The following COL22A1 variants were observed in gnomAD, a reference collection of about 807,000 sequenced individuals.
COL22A1 encodes the protein collagen type XXII alpha 1 chain, also known as collagen alpha-1(XXII) chain.
A neutral mutation model predicts 248.9 loss-of-function variants in COL22A1; 221 were observed. The observed-to-expected ratio is 0.89, with a 90% CI of 0.80 to 0.99. COL22A1 has a LOEUF of 0.99. COL22A1 is among the 50% of genes least tolerant of loss of function. The probability of loss-of-function intolerance (pLI) is 0.00; values close to 1 mark genes in which losing one functional copy is unlikely to be tolerated. For missense variants in COL22A1, 2,240 were observed against 2,179.0 expected (o/e 1.03, Z -0.56); for synonymous variants, 891 against 793.4 (o/e 1.12, Z -2.07).
intron 10 of COL22A1, among the ~76,000 whole-genome samples, chr8:138,803,870 T>A (rs144034590): frequency 4.1e-4 from 63 of 152,342 alleles, no homozygotes; most frequent in African/African-American, 1.4e-3. Flanking sequence ...TAAGAACACA[T>A]GGCTACTTTG....
intron 1 of COL22A1, among the ~76,000 whole-genome samples, chr8:138,907,931 C>A (rs4736055): frequency 0.84 from 127,423 of 152,088 alleles, 53,593 homozygotes; most frequent in East Asian, 0.97. Flanking sequence ...CCACATCTCC[C>A]AACACTGCTG....
intron 60 of COL22A1, among the ~76,000 whole-genome samples, chr8:138,601,564 G>A (rs1380856077): frequency 6.6e-6 from 1 of 152,134 alleles, no homozygotes; most frequent in African/African-American, 2.4e-5. Flanking sequence ...TCGTGAGTGT[G>A]AGAACGCGTC....
intron 45 of COL22A1, among the ~76,000 whole-genome samples, chr8:138,655,466 C>T (rs1191309228): frequency 1.3e-5 from 2 of 152,190 alleles, no homozygotes; most frequent in Admixed American, 1.3e-4. Context: ...TCAAGTGATC[C>T]TCCTACCTCA....
chr8:138,598,774 T>G lies in COL22A1; in HGVS notation c.4310A>C (p.Asn1437Thr). Residue 1437 changes from asparagine to threonine, a missense_variant, in exon 61 of 65, where the codon AAT (asparagine) becomes ACT (threonine). By Grantham distance (65) the Asn-to-Thr change is moderately conservative. Transcript: ENST00000303045. ...LMGPQGLPGENGPVGPPGPPG... is the reference protein window; with the variant it reads ...LMGPQGLPGETGPVGPPGPPG... ...AGGCCCTGGGGGTCCAACTGGTCCA[T>G]TCTCCCCAGGTAGTCCTTGGGGACC... is the stretch of plus-strand genomic sequence containing the variant. The G allele has an allele frequency of 6.2e-7, 1 of 1,614,082 alleles. No individual in the cohort carries two copies. The highest frequency in any genetic ancestry group is 8.5e-7 in the Non-Finnish European group (1 of 1,179,988).
intron 50 of COL22A1, among the ~76,000 whole-genome samples, chr8:138,628,017 A>T (rs1820395245): frequency 6.6e-6 from 1 of 152,198 alleles, no homozygotes; most frequent in African/African-American, 2.4e-5. Context: ...TAGGAAAAAA[A>T]ATCCTAACAA....
intron 3 of COL22A1, 23 bp from the exon 4 acceptor site, chr8:138,844,181 G>A: frequency 6.2e-7 from 1 of 1,608,226 alleles, no homozygotes; most frequent in Non-Finnish European, 8.5e-7. Context: ...AGAGGAAACA[G>A]AGACTGATGA....
intron 1 of COL22A1, among the ~76,000 whole-genome samples, chr8:138,895,052 C>A (rs549521144): frequency 4.6e-4 from 49 of 105,442 alleles, no homozygotes; most frequent in African/African-American, 1.5e-3. Context: ...GAGCAAGAAC[C>A]TTTCTCTTAA....
At chr8:138,677,946 C>T (rs1052127574) in intron 40 of COL22A1, among the ~76,000 whole-genome samples, 11 of 152,148 alleles carry the variant, frequency 7.2e-5, no homozygotes, top group African/African-American at 7.2e-5. Flanking sequence ...TTATGAAGAG[C>T]CAATGAGATA....
At chr8:138,705,301 G>A (rs563258067) in intron 30 of COL22A1, among the ~76,000 whole-genome samples, 5 of 152,208 alleles carry the variant, frequency 3.3e-5, no homozygotes, top group Admixed American at 1.3e-4. Flanking sequence ...GATACTCCTC[G>A]AGAAGAGCAA....
At chr8:138,768,062 G>A (rs1183564977) in intron 16 of COL22A1, among the ~76,000 whole-genome samples, 8 of 152,172 alleles carry the variant, frequency 5.3e-5, no homozygotes, top group Non-Finnish European at 1.2e-4. Flanking sequence ...TGCAGAGAGG[G>A]CCTCAGCACA....
intron 30 of COL22A1, among the ~76,000 whole-genome samples, chr8:138,711,173 C>A (rs1363827487): frequency 6.6e-6 from 1 of 152,178 alleles, no homozygotes; most frequent in Non-Finnish European, 1.5e-5. Flanking sequence ...CTAATCCCAG[C>A]TCCTCCATGA....
At position 138,693,708 on chromosome 8, in the gene COL22A1, G is replaced by A. The variant is rs569746277; in HGVS notation, c.2701-9C>T. On this transcript the variant is annotated splice_polypyrimidine_tract_variant and intron_variant, in intron 34 of 64. Coordinates refer to ENST00000303045, the MANE Select transcript of COL22A1 (RefSeq NM_152888.3). ...TCCTGTCCCTTGGCACCCTGCACAG[G>A]AAATAAAAGAGGGGCGGGGGTAAGA... The A allele has an allele frequency of 1.3e-6, 2 of 1,566,018 alleles. 1 individual carries two copies. The highest frequency in any genetic ancestry group is 4.8e-5 in the East Asian group (2 of 41,794).
intron 27 of COL22A1, among the ~76,000 whole-genome samples, chr8:138,720,058 C>T (rs1194269095): frequency 1.3e-5 from 2 of 152,176 alleles, no homozygotes; most frequent in African/African-American, 4.8e-5. Flanking sequence ...GGGCAGCAGT[C>T]ACTCCTGGAG....
intron 50 of COL22A1, among the ~76,000 whole-genome samples, chr8:138,630,241 C>A (rs1414249198): frequency 6.6e-6 from 1 of 152,188 alleles, no homozygotes; most frequent in African/African-American, 2.4e-5. Context: ...CTAGTGACTT[C>A]TTTTTAATTC....
intron 58 of COL22A1, among the ~76,000 whole-genome samples, chr8:138,605,144 T>A (rs1436246681): frequency 6.6e-6 from 1 of 152,220 alleles, no homozygotes; most frequent in African/African-American, 2.4e-5. Flanking sequence ...CCAGGTTCAA[T>A]TCTTGGCTCC....
At chr8:138,731,655 A>ATT (rs1358096844) in intron 23 of COL22A1, among the ~76,000 whole-genome samples, 8 of 151,948 alleles carry the variant, frequency 5.3e-5, no homozygotes, top group Non-Finnish European at 8.8e-5. Context: ...CCTGAGAGAG[A>ATT]GAGAGAGAGT....
chr8:138,839,632 G>C (rs750771809), intron 4 of COL22A1, among the ~76,000 whole-genome samples: 2 of 152,168 alleles, frequency 1.3e-5, no homozygotes, highest in African/African-American at 4.8e-5. Context: ...GAGGGCAGGT[G>C]AGGAGGGAGG....
At chr8:138,908,889 C>A (rs1322524900) in intron 1 of COL22A1, among the ~76,000 whole-genome samples, 2 of 152,122 alleles carry the variant, frequency 1.3e-5, no homozygotes, top group Admixed American at 6.5e-5. Context: ...AAATTTTAAA[C>A]CAGACATCCA....
intron 47 of COL22A1, among the ~76,000 whole-genome samples, chr8:138,637,976 CCAT>C (rs1821336976): frequency 1.3e-5 from 2 of 151,470 alleles, no homozygotes; most frequent in Admixed American, 6.6e-5. Flanking sequence ...CTCATCTTCA[CCAT>C]CATCATCGTC....
Sources: gnomAD v4.1 joint callset for allele counts (sites outside exome capture counted in the v4.1 genomes callset) on GRCh38, gnomAD v4.1.1 for gene constraint, MANE v1.5 for transcripts, NCBI Gene and HGNC (gene_info 2026-07-23, HGNC 2026-07-21) for gene names.